Variants in NEXN observed in about 807,000 individuals in gnomAD.
The protein encoded by NEXN is nexilin.
Under a neutral mutation model 92.6 loss-of-function variants are expected in NEXN, and 65 were observed. The observed-to-expected ratio is 0.70, with a 90% CI of 0.57 to 0.86. The LOEUF is 0.86. Among genes scored for constraint, NEXN ranks in the 40% least tolerant of loss-of-function variants. The pLI, the probability that NEXN is intolerant of heterozygous loss-of-function variation, is 0.00. For synonymous variants in NEXN, 254 were observed against 242.5 expected, an observed-to-expected ratio of 1.05 and a Z score of -0.44; for missense variants, 778 against 771.1, an observed-to-expected ratio of 1.01 and a Z score of -0.11.
chr1:77,891,385 C>T (rs1647102015), intron 1 of NEXN, among the ~76,000 whole-genome samples: 1 of 152,088 alleles, frequency 6.6e-6, no homozygotes, highest in Non-Finnish European at 1.5e-5. Context: ...AATAAAACAA[C>T]ATGTGAAAGC....
intron 1 of NEXN, among the ~76,000 whole-genome samples, chr1:77,914,974 G>A (rs956802171): frequency 2.0e-5 from 3 of 152,016 alleles, no homozygotes; most frequent in Non-Finnish European, 4.4e-5. Flanking sequence ...TAGATAGAGT[G>A]AAAGTAAATA....
chr1:77,929,614 GAGTAGA>G, intron 9 of NEXN, 110 bp downstream of exon 9: 1 of 1,415,088 alleles, frequency 7.1e-7, no homozygotes, highest in Non-Finnish European at 9.9e-7. Context: ...ACTGTGCCAA[GAGTAGA>G]AATGGCAAAT....
At chr1:77,914,480 A>C (rs1648809784) in intron 1 of NEXN, among the ~76,000 whole-genome samples, 1 of 152,206 alleles carries the variant, frequency 6.6e-6, no homozygotes, top group Non-Finnish European at 1.5e-5. Context: ...AAACAAACCT[A>C]AAATAAATAT....
chr1:77,935,440 T>A (rs1258937494), intron 10 of NEXN, among the ~76,000 whole-genome samples: 2 of 152,242 alleles, frequency 1.3e-5, no homozygotes, highest in Non-Finnish European at 2.9e-5. Flanking sequence ...TAGCAAGTTA[T>A]CAAGGAATGT....
intron 2 of NEXN, among the ~76,000 whole-genome samples, chr1:77,916,929 G>C (rs938793557): frequency 6.6e-6 from 1 of 152,090 alleles, no homozygotes; most frequent in East Asian, 1.9e-4. Flanking sequence ...GAATGATATA[G>C]CCTTCTTACA....
At chr1:77,941,299 C>T (rs1156232677) in intron 11 of NEXN, among the ~76,000 whole-genome samples, 4 of 152,182 alleles carry the variant, frequency 2.6e-5, no homozygotes, top group Non-Finnish European at 5.9e-5. Context: ...TAACTACCCA[C>T]ATTAACCCCA....
chr1:77,901,574 C>T (rs1647714460), intron 1 of NEXN, among the ~76,000 whole-genome samples: 1 of 152,040 alleles, frequency 6.6e-6, no homozygotes, highest in Admixed American at 6.6e-5. Context: ...AATGGACTTG[C>T]CGGGGATCTT....
In NEXN at chr1:77,939,224, C is replaced by T. The variant is rs542988241; in HGVS notation, c.1474-2799C>T. 9.9e-5 allele frequency among the ~76,000 whole-genome samples: 15 copies of T among 152,178 alleles called. No homozygotes were observed. The East Asian group carries it at 2.7e-3, about 27-fold the overall frequency. ...ATTACTTCAGGATATCTAGATGATG[C>T]TATAGAGAAATCAGGTCTGGGGAGT... is the stretch of plus-strand genomic sequence containing the variant. On this transcript the variant is annotated intron_variant, in intron 11 of 12. Coordinates refer to ENST00000334785, the MANE Select transcript of NEXN (RefSeq NM_144573.4).
intron 1 of NEXN, among the ~76,000 whole-genome samples, chr1:77,912,297 G>C (rs1051153606): frequency 6.6e-6 from 1 of 152,078 alleles, no homozygotes; most frequent in Non-Finnish European, 1.5e-5. Flanking sequence ...AGAAATTATA[G>C]AATATGTATA....
At position 77,926,526 on chromosome 1, in the gene NEXN, G is replaced by C; in HGVS notation, c.602G>C (p.Arg201Thr). ...GAAAAAGAACGTGAAGAGAAAGAAA[G>C]GATCAAGTACGAGGAAGATAAAAGA... ...DLEKEREEKERIKYEEDKRIR... is the reference protein window; with the variant it reads ...DLEKEREEKETIKYEEDKRIR... The change falls in exon 7 of 13, where the codon AGG (arginine) becomes ACG (threonine). Residue 201 changes from arginine (R) to threonine (T), a missense_variant. Coordinates refer to ENST00000334785, the MANE Select transcript of NEXN (RefSeq NM_144573.4). The C allele has an allele frequency of 6.2e-7, 1 of 1,613,254 alleles. No homozygotes were observed. Among genetic ancestry groups the C allele is most frequent in the Non-Finnish European group, 8.5e-7 (1 of 1,179,696 alleles).
chr1:77,926,417 G>A lies in NEXN; in HGVS notation c.493G>A (p.Gly165Arg). ...AATTATCTATTTTATAAAATAGGAAGGAGATGATTCACTACTTATAACTGT... is the reference window on the plus strand; with the variant it reads ...AATTATCTATTTTATAAAATAGGAAAGAGATGATTCACTACTTATAACTGT... ...NTGTESASEEGDDSLLITVVP... is the reference protein window; with the variant it reads ...NTGTESASEERDDSLLITVVP... The change falls in exon 7 of 13, where the codon GGA becomes AGA. Residue 165 changes from glycine (G) to arginine (R), a missense_variant. Gly to Arg is a moderately radical substitution (Grantham distance 125). Around this residue, in one of 3 missense-constraint regions of NEXN, gnomAD observed 236 missense variants for 265.6 expected, o/e 0.89. Transcript: ENST00000334785. 1 of 1,587,656 alleles carries A rather than the reference G, an allele frequency of 6.3e-7. No individual in the cohort carries two copies. The highest frequency in any genetic ancestry group is 8.6e-7 in the Non-Finnish European group (1 of 1,160,616).
chr1:77,904,129 A>T (rs1423034037), intron 1 of NEXN, among the ~76,000 whole-genome samples: 4 of 148,428 alleles, frequency 2.7e-5, no homozygotes, highest in African/African-American at 9.7e-5. Context: ...AGTAGCTGAC[A>T]TAACAGGTAT....
At chr1:77,921,803 T>C (rs1457963583) in intron 5 of NEXN, among the ~76,000 whole-genome samples, 1 of 151,906 alleles carries the variant, frequency 6.6e-6, no homozygotes, top group Non-Finnish European at 1.5e-5. Flanking sequence ...CCCAGCTACT[T>C]GGGAGGCTGC....
At chr1:77,911,491 C>T (rs1648571437) in intron 1 of NEXN, among the ~76,000 whole-genome samples, 1 of 152,040 alleles carries the variant, frequency 6.6e-6, no homozygotes, top group Non-Finnish European at 1.5e-5. Flanking sequence ...ACTTGGGAGG[C>T]TGAGGCAGGA....
In NEXN at chr1:77,919,845, C is replaced by T. The variant is rs191241819; in HGVS notation, c.447+1572C>T. On this transcript the variant is annotated intron_variant, in intron 5 of 12. Coordinates refer to ENST00000334785, the MANE Select transcript of NEXN (RefSeq NM_144573.4). Reference sequence around the variant, plus strand: ...GAATTCCTGACCTCAGGTGATCTACCTGCCTTGGCATCCCAAAGTGCTGGG... The same window carrying T: ...GAATTCCTGACCTCAGGTGATCTACTTGCCTTGGCATCCCAAAGTGCTGGG... Among the ~76,000 whole-genome samples the T allele has an allele frequency of 2.3e-4, 35 of 152,064 alleles. No individual in the cohort carries two copies. In the East Asian group the frequency reaches 5.2e-3, roughly 23 times the overall value.
rs397517848 is a variant in NEXN, at chr1:77,942,469, AGAG to A, written c.1680_1682del (p.Glu562del). On this transcript the variant is annotated inframe_deletion, in exon 13 of 13. Transcript: ENST00000334785. ...CATTTATTTTAATACAGAAAAGAGAAGAGGAGGAGGAGGAAGAAGGTAGCATCA... is the reference window on the plus strand; with the variant it reads ...CATTTATTTTAATACAGAAAAGAGAAGAGGAGGAGGAAGAAGGTAGCATCA... The A allele has an allele frequency of 1.8e-5, 29 of 1,613,530 alleles. No individual in the cohort carries two copies. Among genetic ancestry groups the A allele is most frequent in the Admixed American group, 3.3e-5 (2 of 60,014 alleles).
At chr1:77,891,189 A>C (rs1478233444) in intron 1 of NEXN, among the ~76,000 whole-genome samples, 1 of 152,090 alleles carries the variant, frequency 6.6e-6, no homozygotes, top group Non-Finnish European at 1.5e-5. Context: ...CCAGAAATCC[A>C]CCTTAAATTT....
chr1:77,908,493 C>G (rs531429417), intron 1 of NEXN, among the ~76,000 whole-genome samples: 1 of 150,884 alleles, frequency 6.6e-6, no homozygotes, highest in Non-Finnish European at 1.5e-5. Context: ...CTCTGCCTCC[C>G]GGGTTCAAGC....
At chr1:77,908,027 T>A (rs1648253414) in intron 1 of NEXN, among the ~76,000 whole-genome samples, 1 of 151,880 alleles carries the variant, frequency 6.6e-6, no homozygotes, top group Non-Finnish European at 1.5e-5. Flanking sequence ...GGTGGGAGGA[T>A]CACTTGAGGC....
Sources: gnomAD v4.1 joint callset for allele counts (sites outside exome capture counted in the v4.1 genomes callset) on GRCh38, gnomAD v4.1.1 for gene constraint, gnomAD v4.1.1 regional missense constraint, MANE v1.5 for transcripts, NCBI Gene and HGNC (gene_info 2026-07-23, HGNC 2026-07-21) for gene names.